The following RBFOX1 variants were observed in gnomAD, a reference collection of about 807,000 sequenced individuals.
RBFOX1 encodes RNA binding fox-1 homolog 1, also known as RNA binding protein fox-1 homolog 1.
Under a neutral mutation model 57.7 loss-of-function variants are expected in RBFOX1, and 8 were observed. The observed-to-expected ratio is 0.14, with a 90% confidence interval of 0.08 to 0.25. The LOEUF is 0.25. Among genes scored for constraint, RBFOX1 ranks in the 10% least tolerant of loss-of-function variants. The pLI, the probability that RBFOX1 is intolerant of heterozygous loss-of-function variation, is 1.00. For synonymous variants in RBFOX1, 326 were observed against 222.4 expected (o/e 1.47, Z -4.15); for missense variants, 611 against 548.5 (o/e 1.11, Z -1.14).
rs570738319 is a variant in RBFOX1 at position 5,352,761 on chromosome 16, G to A, written c.219+112656G>A. ...AGTTTAAAATCAGCCTGGGCAACAT[G>A]GCAGAAACCTGTCCCTACAAAAAAT... is the stretch of plus-strand genomic sequence containing the variant. On this transcript the variant is annotated intron_variant, in intron 1 of 2. Coordinates refer to the RBFOX1 transcript ENST00000585867. Among the ~76,000 whole-genome samples, 12 of 152,066 alleles carry A rather than the reference G, an allele frequency of 7.9e-5. No homozygotes were observed. The East Asian group carries it at 2.3e-3, about 30-fold the overall frequency.
intron 2 of RBFOX1, among the ~76,000 whole-genome samples, chr16:5,553,886 C>G (rs1293817497): frequency 6.6e-6 from 1 of 151,828 alleles, no homozygotes; most frequent in East Asian, 1.9e-4. Context: ...TCTGGGTACC[C>G]TGTGGATGGA....
intron 4 of RBFOX1, among the ~76,000 whole-genome samples, chr16:7,170,757 C>T (rs1478719): frequency 0.69 from 105,498 of 152,026 alleles, 37,761 homozygotes; most frequent in Non-Finnish European, 0.79. Flanking sequence ...TGAATGTCTT[C>T]ATGAGCAGCT....
chr16:5,896,420 A>G (rs1597684643), intron 4 of RBFOX1, among the ~76,000 whole-genome samples: 1 of 151,946 alleles, frequency 6.6e-6, no homozygotes, highest in East Asian at 1.9e-4. Context: ...TTGCTAAAAA[A>G]ACCTGGCACC....
At chr16:6,821,785 G>C (rs1044113948) in intron 3 of RBFOX1, among the ~76,000 whole-genome samples, 10 of 152,152 alleles carry the variant, frequency 6.6e-5, no homozygotes, top group African/African-American at 2.2e-4. Flanking sequence ...ATAGACATTT[G>C]GGTTGTTTCC....
chr16:7,188,633 C>G (rs909615227), intron 4 of RBFOX1, among the ~76,000 whole-genome samples: 2 of 152,160 alleles, frequency 1.3e-5, no homozygotes, highest in East Asian at 3.9e-4. Context: ...AGCATTGACT[C>G]ATTATACCAG....
intron 2 of RBFOX1, among the ~76,000 whole-genome samples, chr16:6,617,378 C>T (rs1383642660): frequency 1.3e-5 from 2 of 151,972 alleles, no homozygotes; most frequent in Non-Finnish European, 2.9e-5. Flanking sequence ...TATCTAAAGG[C>T]ATGGATGTCC....
chr16:7,032,404 T>G (rs937495095), intron 3 of RBFOX1, among the ~76,000 whole-genome samples: 8 of 151,978 alleles, frequency 5.3e-5, no homozygotes, highest in African/African-American at 1.7e-4. Context: ...GAGATCCCAG[T>G]GCACTCCAAT....
intron 3 of RBFOX1, among the ~76,000 whole-genome samples, chr16:6,909,797 C>T (rs944489013): frequency 1.3e-5 from 2 of 152,104 alleles, no homozygotes; most frequent in Non-Finnish European, 2.9e-5. Context: ...TTACCTGCAG[C>T]CATCGGTCTT....
chr16:7,448,449 G>A (rs950910895), intron 4 of RBFOX1, among the ~76,000 whole-genome samples: 1 of 152,152 alleles, frequency 6.6e-6, no homozygotes, highest in Admixed American at 6.5e-5. Context: ...ATGGCGGCAG[G>A]CAAGAGAGTG....
intron 11 of RBFOX1, among the ~76,000 whole-genome samples, chr16:7,650,003 G>GAGGAGGGAAGTACAGGA (rs61063366): frequency 2.7e-5 from 4 of 149,572 alleles, no homozygotes; most frequent in Admixed American, 6.7e-5. Flanking sequence ...AAAGGAAAAG[G>GAGGAGGGAAGTACAGGA]AGGAGGGAAG....
At chr16:5,561,614 A>G (rs1243168205) in intron 2 of RBFOX1, among the ~76,000 whole-genome samples, 1 of 152,132 alleles carries the variant, frequency 6.6e-6, no homozygotes, top group Admixed American at 6.5e-5. Context: ...TACATTTCCA[A>G]TCCTGTTTTA....
chr16:7,607,266 T>G lies in RBFOX1; in HGVS notation c.623-19T>G. ...TTGAATCAAATGTGATAATAATGTTTTTGTGTATTTGTTTTAAGGCTGGAA... is the reference window on the plus strand; with the variant it reads ...TTGAATCAAATGTGATAATAATGTTGTTGTGTATTTGTTTTAAGGCTGGAA... On this transcript the variant is annotated intron_variant, in intron 9 of 15. Coordinates refer to ENST00000550418, the MANE Select transcript of RBFOX1 (RefSeq NM_018723.4). The G allele has an allele frequency of 6.2e-7, 1 of 1,601,812 alleles. No homozygotes were observed. The highest frequency in any genetic ancestry group is 1.1e-5 in the South Asian group (1 of 88,128).
intron 2 of RBFOX1, among the ~76,000 whole-genome samples, chr16:6,350,885 AGGTTTCT>A (rs1385960600): frequency 4.6e-5 from 7 of 152,230 alleles, no homozygotes; most frequent in Non-Finnish European, 1.0e-4. Context: ...TTGGAGGCCT[AGGTTTCT>A]ATGAGGGCAC....
At chr16:6,546,603 G>C (rs2096899439) in intron 2 of RBFOX1, among the ~76,000 whole-genome samples, 1 of 152,150 alleles carries the variant, frequency 6.6e-6, no homozygotes, top group African/African-American at 2.4e-5. Flanking sequence ...GTCTGTGTCT[G>C]TCTTTGTGTC....
Position 6,069,812 on chromosome 16 carries a change from C to G in RBFOX1, c.-127+49820C>G, listed in dbSNP as rs2095813545. Among the ~76,000 whole-genome samples, 2 of 151,936 alleles carry G rather than the reference C, an allele frequency of 1.3e-5. 1 individual carries two copies. The highest frequency in any genetic ancestry group is 4.2e-4 in the South Asian group (2 of 4,816). ...GACCAGCCTGGCCAACATGGTGAAA[C>G]CCCATCTCTACTAAAAATGCAATAA... On this transcript the variant is annotated intron_variant, in intron 1 of 15. Coordinates refer to ENST00000550418, the MANE Select transcript of RBFOX1 (RefSeq NM_018723.4).
chr16:7,308,618 G>C (rs1330304125), intron 4 of RBFOX1, among the ~76,000 whole-genome samples: 1 of 152,142 alleles, frequency 6.6e-6, no homozygotes, highest in Non-Finnish European at 1.5e-5. Context: ...TTGTACAAAG[G>C]GTAATTCCCA....
intron 4 of RBFOX1, among the ~76,000 whole-genome samples, chr16:7,237,361 G>C (rs1305252763): frequency 6.6e-6 from 1 of 152,160 alleles, no homozygotes; most frequent in Non-Finnish European, 1.5e-5. Context: ...GCCCTTAATT[G>C]AGTGTTCTGT....
intron 1 of RBFOX1, among the ~76,000 whole-genome samples, chr16:6,160,561 C>G (rs2096870778): frequency 6.6e-6 from 1 of 152,270 alleles, no homozygotes; most frequent in South Asian, 2.1e-4. Flanking sequence ...GATCCTGCAT[C>G]TAGATTCTCC....
At chr16:5,430,608 G>C (rs1637800) in intron 1 of RBFOX1, among the ~76,000 whole-genome samples, 87,192 of 152,034 alleles carry the variant, frequency 0.57, 25,113 homozygotes, top group East Asian at 0.68. Context: ...GAAGTGCAGA[G>C]TATCAGTTAG....
Sources: gnomAD v4.1 joint callset for allele counts (sites outside exome capture counted in the v4.1 genomes callset) on GRCh38, gnomAD v4.1.1 for gene constraint, MANE v1.5 for transcripts, NCBI Gene and HGNC (gene_info 2026-07-23, HGNC 2026-07-21) for gene names.